The following CABP5 variants were observed in gnomAD, a reference collection of about 807,000 sequenced individuals.
CABP5 encodes calcium binding protein 5.
Under a neutral mutation model 21.9 loss-of-function variants are expected in CABP5, and 17 were observed. The ratio of observed to expected loss-of-function variants is 0.78; its 90% CI spans 0.53 to 1.17. The LOEUF is 1.17. Among genes scored for constraint, CABP5 ranks in the 50% most tolerant of loss-of-function variants. The pLI, the probability that CABP5 is intolerant of heterozygous loss-of-function variation, is 0.00. For missense variants in CABP5, 229 were observed against 228.9 expected, an observed-to-expected ratio of 1.00 and a Z score of 0.00; for synonymous variants, 85 against 79.4, an observed-to-expected ratio of 1.07 and a Z score of -0.37.
chr19:48,043,175 A>AT (rs141506489), intron 1 of CABP5, among the ~76,000 whole-genome samples: 65,346 of 151,064 alleles, frequency 0.43, 15,114 homozygotes, highest in East Asian at 0.76. Context: ...ATGCTGAGCT[A>AT]TTTTTTTGTA....
At chr19:48,034,493 G>A (rs1022554833) in intron 4 of CABP5, 131 bp from the exon 5 acceptor site, 11 of 524,744 alleles carry the variant, frequency 2.1e-5, no homozygotes, top group African/African-American at 9.9e-5. Context: ...CCACTAGAAC[G>A]TCAGCTCCAA....
chr19:48,033,252 C>T (rs1329112492), intron 5 of CABP5, among the ~76,000 whole-genome samples: 1 of 152,140 alleles, frequency 6.6e-6, no homozygotes, highest in Non-Finnish European at 1.5e-5. Context: ...GATCCACTCG[C>T]CTCGGCCTCC....
intron 5 of CABP5, among the ~76,000 whole-genome samples, chr19:48,032,915 G>A (rs1349418311): frequency 6.6e-6 from 1 of 151,924 alleles, no homozygotes; most frequent in Non-Finnish European, 1.5e-5. Flanking sequence ...ACAGGCATGA[G>A]CCACTGAGCC....
At chr19:48,042,410 C>T (rs1967492395) in intron 1 of CABP5, among the ~76,000 whole-genome samples, 1 of 152,192 alleles carries the variant, frequency 6.6e-6, no homozygotes, top group African/African-American at 2.4e-5. Flanking sequence ...CTGCACATAC[C>T]TGAAGGGTTG....
chr19:48,032,903 T>A (rs557421971), intron 5 of CABP5, among the ~76,000 whole-genome samples: 2 of 152,134 alleles, frequency 1.3e-5, no homozygotes, highest in Admixed American at 1.3e-4. Flanking sequence ...AGTGCTGAAA[T>A]TACAGGCATG....
At chr19:48,040,461 G>A (rs55935218) in intron 3 of CABP5, 144 bp downstream of exon 3, 183,110 of 756,042 alleles carry the variant, frequency 0.24, 24,254 homozygotes, top group Middle Eastern at 0.31. Context: ...TTCCTGAGTC[G>A]AATCTGACCT....
At chr19:48,041,694 T>G in intron 1 of CABP5, 91 bp from the exon 2 acceptor site, 1 of 1,142,294 alleles carries the variant, frequency 8.8e-7, no homozygotes, top group Non-Finnish European at 1.3e-6. Context: ...CTCCCCACGC[T>G]CTCGTGGTTC....
chr19:48,040,726 C>T lies in CABP5; in HGVS notation c.117G>A (p.Glu39=), dbSNP rs201471327. The part of the protein sequence containing the change: ...EIEELREAFL[E]FDKDRDGFIS... The stretch of plus-strand genomic sequence containing the variant: ...TGAACCCATCTCGGTCCTTATCGAA[C>T]TCAAGAAATGCTTCCCGCAGCTCTG... Residue 39 remains glutamate (E), a synonymous_variant, in exon 3 of 6, where the codon GAG becomes GAA. Coordinates refer to ENST00000293255, the MANE Select transcript of CABP5 (RefSeq NM_019855.5). 150 of 1,613,964 alleles carry T rather than the reference C, an allele frequency of 9.3e-5. No homozygotes were observed. The highest frequency in any genetic ancestry group is 1.2e-4 in the Non-Finnish European group (145 of 1,179,990).
chr19:48,029,504 G>A lies in CABP5; in HGVS notation c.*1053C>T, dbSNP rs778373084. ...TCATGGCACAGATCGATGTCAGGAC[G>A]TGAGGGACGGAACAGACGACCCATC... is the stretch of plus-strand genomic sequence containing the variant. On this transcript the variant is annotated 3_prime_UTR_variant, in exon 6 of 6. Coordinates refer to ENST00000293255, the MANE Select transcript of CABP5 (RefSeq NM_019855.5). Among the ~76,000 whole-genome samples, 18 of 152,042 alleles carry A rather than the reference G, an allele frequency of 1.2e-4. No individual in the cohort carries two copies. The highest frequency in any genetic ancestry group is 2.6e-4 in the Admixed American group (4 of 15,246).
At chr19:48,035,041 C>A (rs181524695) in intron 4 of CABP5, among the ~76,000 whole-genome samples, 1 of 152,228 alleles carries the variant, frequency 6.6e-6, no homozygotes, top group Admixed American at 6.5e-5. Context: ...CTATAGTTAT[C>A]CTGCTGTGCA....
intron 1 of CABP5, among the ~76,000 whole-genome samples, chr19:48,042,570 T>TTC (rs34460269): frequency 0.53 from 67,938 of 129,366 alleles, 16,422 homozygotes; most frequent in East Asian, 0.76. Flanking sequence ...CTTTTTTTCA[T>TTC]TCTCTCTCTC....
intron 5 of CABP5, among the ~76,000 whole-genome samples, chr19:48,032,598 G>A (rs1174905564): frequency 2.6e-5 from 4 of 151,696 alleles, no homozygotes; most frequent in South Asian, 2.1e-4. Flanking sequence ...CAAAGTGCTA[G>A]GATTACAGGT....
chr19:48,037,425 C>T (rs974422606), intron 4 of CABP5, among the ~76,000 whole-genome samples: 7 of 151,628 alleles, frequency 4.6e-5, no homozygotes, highest in Admixed American at 2.0e-4. Flanking sequence ...TGTACCACCA[C>T]GCCTAGCTAA....
chr19:48,034,157 T>G lies in CABP5; in HGVS notation c.496+58A>C, dbSNP rs1967376446. ...CAACTTGGAAAATCTGACAGTGAGTTGGAAGTGGATTCCTGCGGTGGCTGC... is the reference window on the plus strand; with the variant it reads ...CAACTTGGAAAATCTGACAGTGAGTGGGAAGTGGATTCCTGCGGTGGCTGC... On this transcript the variant is annotated intron_variant, in intron 5 of 5. Transcript: ENST00000293255. The G allele has an allele frequency of 2.1e-6, 3 of 1,449,148 alleles. No individual in the cohort carries two copies. The South Asian group carries it at 4.5e-5, about 22-fold the overall frequency. The allele number at this position is 1,449,148 out of a possible 1,614,324, so 89.8% of individuals were successfully genotyped here.
chr19:48,034,395 A>G (rs1967381198), intron 4 of CABP5, 33 bp from the exon 5 acceptor site: 4 of 1,428,608 alleles, frequency 2.8e-6, no homozygotes, highest in Non-Finnish European at 1.9e-6. Flanking sequence ...TATATCAGCA[A>G]TGACAATGAT....
At chr19:48,039,945 C>T (rs1967460112) in intron 3 of CABP5, among the ~76,000 whole-genome samples, 1 of 151,918 alleles carries the variant, frequency 6.6e-6, no homozygotes, top group Admixed American at 6.6e-5. Context: ...AAACCCCTAA[C>T]CTCAGGTGAT....
intron 2 of CABP5, 39 bp downstream of exon 2, chr19:48,041,534 G>T (rs1442470270): frequency 8.1e-6 from 13 of 1,607,294 alleles, no homozygotes; most frequent in Non-Finnish European, 1.0e-5. Flanking sequence ...TCAGGTGGGT[G>T]GATGGCAACG....
chr19:48,043,752 A>T, intron 1 of CABP5, 108 bp downstream of exon 1: 1 of 937,920 alleles, frequency 1.1e-6, no homozygotes, highest in Non-Finnish European at 1.5e-6. Flanking sequence ...CTCCTGCTCT[A>T]TCCACCTGTT....
Position 48,044,048 on chromosome 19 carries a change from C to A in CABP5, c.-126G>T. The A allele has an allele frequency of 1.3e-6, 1 of 775,250 alleles. No individual in the cohort carries two copies. Among genetic ancestry groups the A allele is most frequent in the South Asian group, 2.2e-5 (1 of 45,324 alleles). The allele number at this position is 775,250 out of a possible 1,614,324, so 48.0% of individuals were successfully genotyped here. A position where few individuals can be genotyped will look rare whatever the true frequency, so the allele number is the denominator to read the frequency against. ...TGCCACCTCTTCCTGCCTCTCTTGG[C>A]TTCTCCTTCGGTCCCGGTGTCTTAG... is the stretch of plus-strand genomic sequence containing the variant. On this transcript the variant is annotated 5_prime_UTR_variant, in exon 1 of 6. Coordinates refer to ENST00000293255, the MANE Select transcript of CABP5 (RefSeq NM_019855.5).
Sources: gnomAD v4.1 joint callset for allele counts (sites outside exome capture counted in the v4.1 genomes callset) on GRCh38, gnomAD v4.1.1 for gene constraint, MANE v1.5 for transcripts, NCBI Gene and HGNC (gene_info 2026-07-23, HGNC 2026-07-21) for gene names.